ESPL1: variants seen among roughly 807,000 people sequenced by gnomAD.
ESPL1 encodes the protein extra spindle pole bodies like 1, separase.
In ESPL1, 50 loss-of-function variants were observed where a neutral mutation model predicts 217.2. The ratio of observed to expected loss-of-function variants is 0.23; its 90% CI spans 0.18 to 0.29. ESPL1 has a LOEUF of 0.29. Among genes scored for constraint, ESPL1 ranks in the 10% least tolerant of loss-of-function variants. ESPL1 has a pLI of 1.00. For synonymous variants in ESPL1, 994 were observed against 1,081.3 expected (o/e 0.92, Z 1.58); for missense variants, 1,834 against 2,603.0 (o/e 0.70, Z 6.43).
intron 24 of ESPL1, 62 bp from the exon 25 acceptor site, chr12:53,290,779 A>T (rs1301770947): frequency 3.5e-6 from 3 of 857,426 alleles, no homozygotes; most frequent in Non-Finnish European, 4.1e-6. Flanking sequence ...CCAAAATGTC[A>T]GTGCCTGTGA....
At chr12:53,290,818 A>G in intron 24 of ESPL1, 23 bp from the exon 25 acceptor site, 1 of 1,265,186 alleles carries the variant, frequency 7.9e-7, no homozygotes, top group Non-Finnish European at 1.0e-6. Flanking sequence ...TCTCTGACTG[A>G]AGGGTCTGCC....
At chr12:53,274,612 G>A (rs1943732144) in intron 6 of ESPL1, 1 of 533,090 alleles carries the variant, frequency 1.9e-6, no homozygotes. Flanking sequence ...ACATAGGGGT[G>A]GAGTGGATTG....
At chr12:53,290,796 AGCTTGGTTTCCTCTCTGACT>A in intron 24 of ESPL1, 25 bp from the exon 25 acceptor site, 1 of 1,533,214 alleles carries the variant, frequency 6.5e-7, no homozygotes, top group Non-Finnish European at 8.8e-7. Flanking sequence ...GTGAGAAAGA[AGCTTGGTTTCCTCTCTGACT>A]GAAGGGTCTG....
In ESPL1 at chr12:53,292,226, C is replaced by A; in HGVS notation, c.5797-52C>A. 2 of 1,468,862 alleles carry A rather than the reference C, an allele frequency of 1.4e-6. No homozygotes were observed. Among genetic ancestry groups the A allele is most frequent in the Non-Finnish European group, 1.9e-6 (2 of 1,048,044 alleles). The allele number at this position is 1,468,862 out of a possible 1,614,324, so 91.0% of individuals were successfully genotyped here. A position where few individuals can be genotyped will look rare whatever the true frequency, so the allele number is the denominator to read the frequency against. The stretch of plus-strand genomic sequence containing the variant: ...TGGAAAGGGGCTGAGATTGTTAGAG[C>A]TTGGGCCTCTTGGTGAGACAAGCAT... On this transcript the variant is annotated intron_variant, in intron 27 of 30. Coordinates refer to ENST00000257934, the MANE Select transcript of ESPL1 (RefSeq NM_012291.5). This position sits in a 1 kb window ranked among gnomAD's most constrained non-coding sequence, Gnocchi z 4.5.
chr12:53,275,963 G>C (rs894499220), intron 7 of ESPL1, among the ~76,000 whole-genome samples: 1 of 152,180 alleles, frequency 6.6e-6, no homozygotes, highest in Admixed American at 6.6e-5. Context: ...AGAAGTGATA[G>C]ATGAGACCTG....
chr12:53,284,146 T>C lies in ESPL1; in HGVS notation c.3166T>C (p.Phe1056Leu). ...LCQSDLQQVLFLLESCTEFGG... is the reference protein window; with the variant it reads ...LCQSDLQQVLLLLESCTEFGG... ...TCAGTCGGACCTGCAGCAGGTTCTG[T>C]TCTTGCTTGAGTCTTGCACAGGTGA... is the stretch of plus-strand genomic sequence containing the variant. Residue 1056 changes from phenylalanine to leucine, a missense_variant, in exon 17 of 31, where the codon TTC (phenylalanine) becomes CTC (leucine). Around this residue, in one of 5 missense-constraint regions of ESPL1, gnomAD observed 107 missense variants for 171.7 expected, o/e 0.62. Coordinates refer to ENST00000257934, the MANE Select transcript of ESPL1 (RefSeq NM_012291.5). 2.5e-6 allele frequency: 4 copies of C among 1,613,190 alleles called. No homozygotes were observed. The highest frequency in any genetic ancestry group is 3.4e-6 in the Non-Finnish European group (4 of 1,179,140).
At position 53,269,928 on chromosome 12, in the gene ESPL1, C is replaced by A; in HGVS notation, c.986C>A (p.Pro329Gln). 1 of 1,614,186 alleles carries A rather than the reference C, an allele frequency of 6.2e-7. No individual in the cohort carries two copies. The highest frequency in any genetic ancestry group is 1.1e-5 in the South Asian group (1 of 91,086). Residue 329 changes from proline to glutamine, a missense_variant, in exon 3 of 31, where the codon CCA (proline) becomes CAA (glutamine). Pro to Gln is a moderately conservative substitution (Grantham distance 76). This residue lies in a region of ESPL1 where 746 missense variants were observed against 1,077.0 expected (regional missense o/e 0.69). Transcript: ENST00000257934. This position sits in a 1 kb window ranked among gnomAD's most constrained non-coding sequence, Gnocchi z 6.7. ...SAVLSKSMEA[P>Q]SPPLRALYES... ...GTCCTGAGCAAGAGTATGGAGGCACCATCACCCCCACTTCGGGCATTGTAT... is the reference window on the plus strand; with the variant it reads ...GTCCTGAGCAAGAGTATGGAGGCACAATCACCCCCACTTCGGGCATTGTAT...
rs1943881269 is a variant in ESPL1 at position 53,282,549 on chromosome 12, G to GA, written c.2791+116dup. ...CTAACTATGTGGCCCAGCCTACCTA[G>GA]AACCTGCACAGAGTAGGCCTGGGAT... On this transcript the variant is annotated intron_variant, in intron 14 of 30. Coordinates refer to ENST00000257934, the MANE Select transcript of ESPL1 (RefSeq NM_012291.5). The surrounding 1 kb of genome is among the most constrained non-coding windows in gnomAD (Gnocchi z 4.0). 1 of 952,860 alleles carries GA rather than the reference G, an allele frequency of 1.0e-6. No individual in the cohort carries two copies. Among genetic ancestry groups the GA allele is most frequent in the Non-Finnish European group, 1.6e-6 (1 of 623,938 alleles). 59.0% of individuals were successfully genotyped at this position (952,860 alleles called of 1,614,324 possible).
In ESPL1 at chr12:53,270,378, G is replaced by A. The variant is rs752419710; in HGVS notation, c.1144G>A (p.Val382Met). The A allele has an allele frequency of 1.2e-6, 2 of 1,606,594 alleles. No individual in the cohort carries two copies. Among genetic ancestry groups the A allele is most frequent in the East Asian group, 4.5e-5 (2 of 44,842 alleles). ...SLLQQLRDDG[V>M]YGGSSKQQQS... is the part of the protein sequence containing the mutation. ...ACCAACCTTCCGCTTCCTTCCTCAG[G>A]TGTATGGGGGCTCCTCCAAGCAACA... The change falls in exon 4 of 31, where the codon GTG becomes ATG. Residue 382 changes from valine (V) to methionine (M), a missense_variant and splice_region_variant. Val to Met is a conservative substitution (Grantham distance 21). This residue lies in a region of ESPL1 where 746 missense variants were observed against 1,077.0 expected (regional missense o/e 0.69). Coordinates refer to ENST00000257934, the MANE Select transcript of ESPL1 (RefSeq NM_012291.5).
intron 24 of ESPL1, 89 bp downstream of exon 24, chr12:53,290,558 C>T: frequency 1.4e-6 from 2 of 1,390,360 alleles, no homozygotes; most frequent in Admixed American, 1.9e-5. Context: ...TGGGTCAGTG[C>T]TAAAGCCACT....
chr12:53,282,275 T>C lies in ESPL1; in HGVS notation c.2631T>C (p.Gly877=). 6.2e-7 allele frequency: 1 copy of C among 1,613,876 alleles called. No homozygotes were observed. Among genetic ancestry groups the C allele is most frequent in the Non-Finnish European group, 8.5e-7 (1 of 1,179,914 alleles). The part of the protein sequence containing the change: ...LYWTHQKVTK[G]VSLLLSVLRD... The stretch of plus-strand genomic sequence containing the variant: ...CTTCTCTCCTTCAGGTGACCAAGGG[T>C]GTCTCTCTGCTGCTGTCTGTGCTTC... The change falls in exon 14 of 31, where the codon GGT becomes GGC. Residue 877 remains glycine (G), a synonymous_variant. Coordinates refer to ENST00000257934, the MANE Select transcript of ESPL1 (RefSeq NM_012291.5). This position sits in a 1 kb window ranked among gnomAD's most constrained non-coding sequence, Gnocchi z 4.0.
At chr12:53,270,184 G>A (rs941478910) in intron 3 of ESPL1, 99 bp downstream of exon 3, 57 of 1,127,106 alleles carry the variant, frequency 5.1e-5, no homozygotes, top group Non-Finnish European at 7.1e-5. Context: ...CTCCCTCCTT[G>A]TTAAGCTGCT....
chr12:53,273,491 G>A (rs1027841328), intron 6 of ESPL1, among the ~76,000 whole-genome samples: 1 of 151,348 alleles, frequency 6.6e-6, no homozygotes. Flanking sequence ...GGGCGTGATG[G>A]CTCACGCCTA....
rs774398820 is a variant in ESPL1 at position 53,282,460 on chromosome 12, C to G, written c.2791+25C>G. 10 of 1,607,636 alleles carry G rather than the reference C, an allele frequency of 6.2e-6. No homozygotes were observed. Among genetic ancestry groups the G allele is most frequent in the African/African-American group, 5.3e-5 (4 of 74,788 alleles). On this transcript the variant is annotated intron_variant, in intron 14 of 30. Coordinates refer to ENST00000257934, the MANE Select transcript of ESPL1 (RefSeq NM_012291.5). This position sits in a 1 kb window ranked among gnomAD's most constrained non-coding sequence, Gnocchi z 4.0. ...GGTGAAAGAATAGGGTGGATGGCCC[C>G]CCTTGGATGACATGTATGGTCTGTC... is the stretch of plus-strand genomic sequence containing the variant.
rs774655512 is a variant in ESPL1, at chr12:53,292,093, G to T, written c.5796+5G>T. On this transcript the variant is annotated splice_donor_5th_base_variant and intron_variant, in intron 27 of 30. Coordinates refer to ENST00000257934, the MANE Select transcript of ESPL1 (RefSeq NM_012291.5). This position sits in a 1 kb window ranked among gnomAD's most constrained non-coding sequence, Gnocchi z 4.5. ...AGCTACTCCATCATCAAAGAGGTGG[G>T]GTTCAGGGCGTAGTGTCTGGGGATG... 8 of 1,608,542 alleles carry T rather than the reference G, an allele frequency of 5.0e-6. No homozygotes were observed. Among genetic ancestry groups the T allele is most frequent in the Non-Finnish European group, 6.8e-6 (8 of 1,175,070 alleles).
At chr12:53,272,624 A>T (rs1300059952) in intron 5 of ESPL1, 97 bp from the exon 6 acceptor site, 3 of 1,423,388 alleles carry the variant, frequency 2.1e-6, no homozygotes, top group Non-Finnish European at 2.9e-6. Context: ...GAAGCTGCTG[A>T]ACTGACCACA....
chr12:53,284,007 C>A, intron 16 of ESPL1, 51 bp from the exon 17 acceptor site: 1 of 1,351,356 alleles, frequency 7.4e-7, no homozygotes, highest in South Asian at 1.2e-5. Flanking sequence ...AAAGACTCTC[C>A]AGGAAAACAA....
chr12:53,292,866 C>T lies in ESPL1; in HGVS notation c.6057C>T (p.Ser2019=), dbSNP rs753052155. Residue 2019 remains serine, a synonymous_variant, in exon 30 of 31, where the codon AGC becomes AGT. Coordinates refer to ENST00000257934, the MANE Select transcript of ESPL1 (RefSeq NM_012291.5). This position sits in a 1 kb window ranked among gnomAD's most constrained non-coding sequence, Gnocchi z 4.5. ...ATGGGCAGGCTGTCCTGCGGCTGAGCTGTCGGGCAGTGGCCCTGCTGTTTG... is the reference window on the plus strand; with the variant it reads ...ATGGGCAGGCTGTCCTGCGGCTGAGTTGTCGGGCAGTGGCCCTGCTGTTTG... ...FLDGQAVLRL[S]CRAVALLFGC... 2.5e-6 allele frequency: 4 copies of T among 1,612,926 alleles called. No homozygotes were observed. The highest frequency in any genetic ancestry group is 2.5e-6 in the Non-Finnish European group (3 of 1,180,038).
chr12:53,278,488 TA>T (rs34127196), intron 11 of ESPL1, among the ~76,000 whole-genome samples: 1 of 146,716 alleles, frequency 6.8e-6, no homozygotes, highest in African/African-American at 2.5e-5. Flanking sequence ...GCTATTTCAT[TA>T]AAAAAAAAAA....
Sources: allele counts gnomAD v4.1 joint callset (sites outside exome capture counted in the v4.1 genomes callset), GRCh38; gene constraint gnomAD v4.1.1; regional missense constraint gnomAD v4.1.1; non-coding constraint Gnocchi (gnomAD v3.1); transcripts MANE v1.5; gene names NCBI Gene and HGNC (gene_info 2026-07-23, HGNC 2026-07-21).